WDR20: variants seen among roughly 807,000 people sequenced by gnomAD.
WDR20 encodes WD repeat-containing protein 20.
WDR20 carries 3 observed loss-of-function variants against 38.7 expected under a neutral mutation model. The observed-to-expected ratio is 0.08, with a 90% CI of 0.04 to 0.20. The LOEUF (loss-of-function observed/expected upper bound fraction) is 0.20, where lower values mean the gene tolerates loss of function less well. Ranked by LOEUF, WDR20 falls within the 10% of genes least tolerant of loss-of-function variation. The pLI, the probability that WDR20 is intolerant of heterozygous loss-of-function variation, is 1.00. For synonymous variants in WDR20, 298 were observed against 285.6 expected, an observed-to-expected ratio of 1.04 and a Z score of -0.44; for missense variants, 559 against 727.7, an observed-to-expected ratio of 0.77 and a Z score of 2.67.
chr14:102,147,914 A>G (rs1351465917), intron 1 of WDR20, among the ~76,000 whole-genome samples: 1 of 152,132 alleles, frequency 6.6e-6, no homozygotes, highest in Non-Finnish European at 1.5e-5. Context: ...TCTTTTTAGT[A>G]GAGACGGGGT....
chr14:102,140,280 C>G, intron 1 of WDR20, 108 bp downstream of exon 1: 1 of 1,506,870 alleles, frequency 6.6e-7, no homozygotes. Context: ...GTCGCTCTTA[C>G]TTTTGAGTGG....
chr14:102,187,411 G>GT (rs1289087278), intron 1 of WDR20, among the ~76,000 whole-genome samples: 1 of 137,080 alleles, frequency 7.3e-6, no homozygotes, highest in African/African-American at 3.2e-5. Context: ...ACATAGGCTG[G>GT]GGGGGGGCTC....
chr14:102,196,444 C>T (rs775769930), intron 2 of WDR20, among the ~76,000 whole-genome samples: 5 of 152,058 alleles, frequency 3.3e-5, no homozygotes, highest in Non-Finnish European at 5.9e-5. Flanking sequence ...GGGAGCAGCG[C>T]ACAAAATTGG....
At position 102,222,728 on chromosome 14, in the gene WDR20, A is replaced by G. The variant is rs1362827492; in HGVS notation, c.1693-102A>G. 18 of 1,252,652 alleles carry G rather than the reference A, an allele frequency of 1.4e-5. No homozygotes were observed. The East Asian group carries it at 4.2e-4, about 29-fold the overall frequency. The allele number at this position is 1,252,652 out of a possible 1,614,324, so 77.6% of individuals were successfully genotyped here. ...CTCCCACACTGGCTTCCACATCAAC[A>G]GCACCAGTTTTGACCACGTGGAGCT... On this transcript the variant is annotated intron_variant, in intron 3 of 3. Transcript: ENST00000335263. The surrounding 1 kb of genome is among the most constrained non-coding windows in gnomAD (Gnocchi z 4.4).
At chr14:102,212,019 A>G (rs1042122154), downstream of WDR20, among the ~76,000 whole-genome samples, 6 of 152,110 alleles carry the variant, frequency 3.9e-5, no homozygotes, top group African/African-American at 1.4e-4. Context: ...TCTCAGTCGC[A>G]GTGGCTGGGA....
intron 1 of WDR20, among the ~76,000 whole-genome samples, chr14:102,161,209 G>A (rs535273001): frequency 4.1e-4 from 53 of 129,966 alleles, no homozygotes; most frequent in Middle Eastern, 4.5e-3. Flanking sequence ...AGAGTGCCGT[G>A]GCACAATCTT....
At chr14:102,214,542 G>T, downstream of WDR20, 1 of 985,380 alleles carries the variant, frequency 1.0e-6, no homozygotes, top group Non-Finnish European at 1.2e-6. Flanking sequence ...CGAACTTCGT[G>T]TCATAAATTG....
At chr14:102,176,546 A>C (rs1050765231) in intron 1 of WDR20, among the ~76,000 whole-genome samples, 6 of 152,044 alleles carry the variant, frequency 3.9e-5, no homozygotes, top group African/African-American at 1.4e-4. Context: ...AAAACGCAAA[A>C]ATTCGTGCCC....
At chr14:102,187,414 G>T (rs562536825) in intron 1 of WDR20, among the ~76,000 whole-genome samples, 2 of 152,170 alleles carry the variant, frequency 1.3e-5, no homozygotes, top group Non-Finnish European at 1.5e-5. Context: ...TAGGCTGGGG[G>T]GGGGCTCAGG....
intron 1 of WDR20, among the ~76,000 whole-genome samples, chr14:102,144,236 G>A (rs551905505): frequency 1.3e-5 from 2 of 152,098 alleles, no homozygotes; most frequent in African/African-American, 2.4e-5. Flanking sequence ...TAATCTCAGC[G>A]CTTTGGGAGG....
chr14:102,223,067 GT>G lies in WDR20; in HGVS notation c.*186del, dbSNP rs2064101463. Reference sequence around the variant, plus strand: ...GTGCTCCCGCTGCTCACCCAAAGAAGTTGTTTCCATTTTAAACCGGTCTTTT... The same window carrying G: ...GTGCTCCCGCTGCTCACCCAAAGAAGTGTTTCCATTTTAAACCGGTCTTTT... On this transcript the variant is annotated 3_prime_UTR_variant, in exon 4 of 4. Transcript: ENST00000335263. 3 of 584,508 alleles carry G rather than the reference GT, an allele frequency of 5.1e-6. No individual in the cohort carries two copies. The South Asian group carries it at 7.1e-5, about 14-fold the overall frequency. The allele number at this position is 584,508 out of a possible 1,614,324, so 36.2% of individuals were successfully genotyped here.
chr14:102,166,514 C>A (rs1243640785), intron 1 of WDR20, among the ~76,000 whole-genome samples: 1 of 152,028 alleles, frequency 6.6e-6, no homozygotes, highest in Non-Finnish European at 1.5e-5. Context: ...TATGACTGCC[C>A]CTCTTATTTA....
chr14:102,219,919 A>G (rs1005763492), downstream of WDR20, among the ~76,000 whole-genome samples: 1 of 152,264 alleles, frequency 6.6e-6, no homozygotes, highest in Non-Finnish European at 1.5e-5. Context: ...AGAGTGGGAC[A>G]GTGGAGGGCA....
chr14:102,210,551 G>T (rs1018273018), downstream of WDR20: 1 of 985,204 alleles, frequency 1.0e-6, no homozygotes, highest in African/African-American at 1.7e-5. Flanking sequence ...CTTTGATTGA[G>T]GTTCTGTGTA....
chr14:102,214,178 C>T (rs2062918497), downstream of WDR20: 3 of 985,546 alleles, frequency 3.0e-6, no homozygotes, highest in African/African-American at 1.7e-5. Flanking sequence ...GAGACGCCTC[C>T]TCCGGTCTGG....
chr14:102,189,950 G>A (rs1009800151), intron 1 of WDR20, among the ~76,000 whole-genome samples: 5 of 152,188 alleles, frequency 3.3e-5, no homozygotes, highest in African/African-American at 9.7e-5. Context: ...TCCTTGCTGT[G>A]GGCGGTGGGA....
chr14:102,218,253 T>C (rs1054643224), downstream of WDR20, among the ~76,000 whole-genome samples: 3 of 152,188 alleles, frequency 2.0e-5, no homozygotes, highest in Non-Finnish European at 4.4e-5. Flanking sequence ...CCCAGGTGGA[T>C]GAGGGATGAG....
chr14:102,215,623 C>T (rs2063127075), downstream of WDR20, among the ~76,000 whole-genome samples: 1 of 152,130 alleles, frequency 6.6e-6, no homozygotes, highest in Non-Finnish European at 1.5e-5. Flanking sequence ...CCTCCCCTTG[C>T]CCCCAGGTAG....
At chr14:102,205,900 G>A (rs1182179591) in intron 2 of WDR20, among the ~76,000 whole-genome samples, 1 of 152,108 alleles carries the variant, frequency 6.6e-6, no homozygotes, top group African/African-American at 2.4e-5. Context: ...CCCCACAGGG[G>A]GATTGAAGTA....
Sources: gnomAD v4.1 joint callset for allele counts (sites outside exome capture counted in the v4.1 genomes callset) on GRCh38, gnomAD v4.1.1 for gene constraint, Gnocchi (gnomAD v3.1) non-coding constraint, MANE v1.5 for transcripts, NCBI Gene and HGNC (gene_info 2026-07-23, HGNC 2026-07-21) for gene names.